SDHC: variants seen among roughly 807,000 people sequenced by gnomAD.
SDHC encodes the protein succinate dehydrogenase cytochrome b560 subunit, mitochondrial.
SDHC carries 11 observed loss-of-function variants against 22.6 expected under a neutral mutation model. The ratio of observed to expected loss-of-function variants is 0.49; its 90% CI spans 0.31 to 0.81. SDHC has a LOEUF of 0.81. SDHC is among the 30% of genes least tolerant of loss of function. The pLI is 0.05. For missense variants in SDHC, 160 were observed against 212.0 expected, an observed-to-expected ratio of 0.75 and a Z score of 1.52; for synonymous variants, 80 against 77.8, an observed-to-expected ratio of 1.03 and a Z score of -0.15.
chr1:161,347,371 A>G (rs1671937603), intron 4 of SDHC, among the ~76,000 whole-genome samples: 1 of 151,916 alleles, frequency 6.6e-6, no homozygotes, highest in Admixed American at 6.6e-5. Context: ...TTTCTTCCTC[A>G]GCCTTCCGAG....
chr1:161,320,714 C>T (rs114442649), intron 1 of SDHC, among the ~76,000 whole-genome samples: 2,993 of 152,150 alleles, frequency 0.02, 77 homozygotes, highest in African/African-American at 0.064. Context: ...TTTTCTTGTG[C>T]AGTCCCCTCA....
At chr1:161,356,516 G>T (rs547971411) in intron 4 of SDHC, among the ~76,000 whole-genome samples, 161 bp from the exon 5 acceptor site, 1 of 152,248 alleles carries the variant, frequency 6.6e-6, no homozygotes, top group East Asian at 1.9e-4. Flanking sequence ...TCCAGCCTGG[G>T]TGACAGAATG....
intron 1 of SDHC, among the ~76,000 whole-genome samples, chr1:161,321,941 A>G (rs1558163497): frequency 6.6e-6 from 1 of 152,204 alleles, no homozygotes; most frequent in Non-Finnish European, 1.5e-5. Context: ...AAGATTTGAT[A>G]CAATGATGTG....
intron 3 of SDHC, 107 bp from the exon 4 acceptor site, chr1:161,340,487 A>G (rs1374046340): frequency 4.9e-6 from 5 of 1,014,438 alleles, no homozygotes; most frequent in Non-Finnish European, 6.0e-6. Context: ...AAAAAAAAGA[A>G]AAAAAAGTGC....
intron 1 of SDHC, among the ~76,000 whole-genome samples, chr1:161,315,449 A>G (rs146549247): frequency 3.9e-4 from 60 of 152,322 alleles, no homozygotes; most frequent in African/African-American, 1.3e-3. Flanking sequence ...TGTCTAAGGT[A>G]TGCCAAGGCT....
intron 1 of SDHC, among the ~76,000 whole-genome samples, chr1:161,317,039 G>A (rs1348328989): frequency 8.4e-6 from 1 of 118,856 alleles, no homozygotes; most frequent in Non-Finnish European, 1.6e-5. Flanking sequence ...TTTTTTTTGA[G>A]ACGGAGTCTC....
At position 161,314,445 on chromosome 1, in the gene SDHC, G is replaced by T. The variant is rs763464678; in HGVS notation, c.20+20G>T. 2.4e-5 allele frequency: 38 copies of T among 1,613,888 alleles called. No homozygotes were observed. The highest frequency in any genetic ancestry group is 2.9e-5 in the Non-Finnish European group (34 of 1,179,878). ...GCTGAGGTGACTTCAGTGGGACTGG[G>T]AGTTGGTGCCTGCGGCCCTCCGGAG... On this transcript the variant is annotated intron_variant, in intron 1 of 5. Coordinates refer to ENST00000367975, the MANE Select transcript of SDHC (RefSeq NM_003001.5).
At chr1:161,351,813 G>A (rs557125662) in intron 4 of SDHC, among the ~76,000 whole-genome samples, 1 of 152,336 alleles carries the variant, frequency 6.6e-6, no homozygotes, top group African/African-American at 2.4e-5. Context: ...CTGTCACACT[G>A]AGTTTTAATC....
In SDHC at chr1:161,358,032, C is replaced by CT. The variant is rs34253350; in HGVS notation, c.405+1214dup. Among the ~76,000 whole-genome samples, 923 of 104,818 alleles carry CT rather than the reference C, an allele frequency of 8.8e-3. 16 individuals carry two copies. The highest frequency in any genetic ancestry group is 0.017 in the Middle Eastern group (3 of 174). 68.8% of individuals were successfully genotyped at this position (104,818 alleles called of 152,430 possible). ...AGGTTTCAATATTGAGGTTAGGAAT[C>CT]TTTTTTTTTTTTTTTTTTTTTTGAG... On this transcript the variant is annotated intron_variant, in intron 5 of 5. Transcript: ENST00000367975.
At chr1:161,356,480 A>AG in intron 4 of SDHC, among the ~76,000 whole-genome samples, 197 bp from the exon 5 acceptor site, 1 of 152,306 alleles carries the variant, frequency 6.6e-6, no homozygotes, top group East Asian at 1.9e-4. Context: ...TGGAGGTTGC[A>AG]GTGAGCCAAG....
Position 161,323,719 on chromosome 1 carries a change from G to A in SDHC, c.77+49G>A, listed in dbSNP as rs764395243. On this transcript the variant is annotated intron_variant, in intron 2 of 5. Transcript: ENST00000367975. Reference sequence around the variant, plus strand: ...ATTTATTTATTTTTTTTTTTGAGACGGAGTCTCGCTCTGTCACCCAGGCTG... The same window carrying A: ...ATTTATTTATTTTTTTTTTTGAGACAGAGTCTCGCTCTGTCACCCAGGCTG... 23 of 1,370,614 alleles carry A rather than the reference G, an allele frequency of 1.7e-5. 1 individual carries two copies. The South Asian group carries it at 1.7e-4, about 10-fold the overall frequency. 84.9% of individuals were successfully genotyped at this position (1,370,614 alleles called of 1,614,324 possible). A position where few individuals can be genotyped will look rare whatever the true frequency, so the allele number is the denominator to read the frequency against.
At chr1:161,361,360 G>A (rs1672502416) in intron 5 of SDHC, among the ~76,000 whole-genome samples, 1 of 151,844 alleles carries the variant, frequency 6.6e-6, no homozygotes, top group African/African-American at 2.4e-5. Flanking sequence ...AGTTTTAAAG[G>A]TATTTCTTAG....
At position 161,344,787 on chromosome 1, in the gene SDHC, T is replaced by G. The variant is rs563316090; in HGVS notation, c.241+4132T>G. ...GAATTCATGGGATTTCAAGAAACTT[T>G]ATGCTCTGGGTTTTGCTTTATGGAA... On this transcript the variant is annotated intron_variant, in intron 4 of 5. Transcript: ENST00000367975. Among the ~76,000 whole-genome samples the G allele has an allele frequency of 2.0e-5, 3 of 152,352 alleles. No individual in the cohort carries two copies. The South Asian group carries it at 6.2e-4, about 32-fold the overall frequency.
At chr1:161,336,929 G>A (rs1436138913) in intron 3 of SDHC, among the ~76,000 whole-genome samples, 1 of 151,980 alleles carries the variant, frequency 6.6e-6, no homozygotes, top group Non-Finnish European at 1.5e-5. Context: ...GAGTGCAGTG[G>A]CGTGATCACG....
chr1:161,339,539 A>G (rs1176252129), intron 3 of SDHC: 2 of 1,240,930 alleles, frequency 1.6e-6, no homozygotes, highest in African/African-American at 3.1e-5. Context: ...GTTTTGAGTT[A>G]TAATCATTTT....
At chr1:161,326,963 G>T (rs996227235) in intron 2 of SDHC, among the ~76,000 whole-genome samples, 20 of 151,964 alleles carry the variant, frequency 1.3e-4, no homozygotes, top group African/African-American at 4.8e-4. Flanking sequence ...TTGCTCTGTT[G>T]CCCAGGGTGG....
chr1:161,331,410 G>C (rs1318254034), intron 3 of SDHC, among the ~76,000 whole-genome samples: 1 of 151,820 alleles, frequency 6.6e-6, no homozygotes, highest in East Asian at 1.9e-4. Flanking sequence ...TGGGACTACA[G>C]TGCATGTCAC....
intron 2 of SDHC, 70 bp from the exon 3 acceptor site, chr1:161,328,326 T>C (rs1671142452): frequency 1.6e-6 from 2 of 1,266,426 alleles, no homozygotes; most frequent in Admixed American, 3.4e-5. Flanking sequence ...ATTGACTTAA[T>C]AAAACGTTAT....
intron 3 of SDHC, among the ~76,000 whole-genome samples, chr1:161,331,525 G>A (rs1408372760): frequency 6.6e-6 from 1 of 151,708 alleles, no homozygotes; most frequent in African/African-American, 2.4e-5. Context: ...CAAGTGATCT[G>A]CCTGCCTTGG....
Sources: allele counts gnomAD v4.1 joint callset (sites outside exome capture counted in the v4.1 genomes callset), GRCh38; gene constraint gnomAD v4.1.1; transcripts MANE v1.5; gene names NCBI Gene and HGNC (gene_info 2026-07-23, HGNC 2026-07-21).